DNAL1: variants seen among roughly 807,000 people sequenced by gnomAD.
DNAL1 encodes chromosome 14 open reading frame 168.
A neutral mutation model predicts 29.4 loss-of-function variants in DNAL1; 17 were observed. The observed-to-expected ratio is 0.58, with a 90% confidence interval of 0.40 to 0.87. The LOEUF is 0.87. Ranked by LOEUF, DNAL1 falls within the 40% of genes least tolerant of loss-of-function variation. DNAL1 has a pLI of 0.00. For missense variants in DNAL1, 188 were observed against 214.1 expected (o/e 0.88, Z 0.76); for synonymous variants, 78 against 76.3 (o/e 1.02, Z -0.12).
At chr14:73,683,230 AAGTAT>A (rs933617156) in intron 5 of DNAL1, among the ~76,000 whole-genome samples, 14 of 152,162 alleles carry the variant, frequency 9.2e-5, no homozygotes, top group Non-Finnish European at 1.6e-4. Flanking sequence ...TAACTATAAA[AAGTAT>A]AGTAAACACA....
chr14:73,673,882 A>AG (rs997086035), intron 5 of DNAL1, among the ~76,000 whole-genome samples: 6 of 22,586 alleles, frequency 2.7e-4, no homozygotes, highest in African/African-American at 1.1e-3. Flanking sequence ...TGGGTGACAG[A>AG]GGGGAAAAAA....
At chr14:73,677,884 TTGTGTGTGTGTGTGTGTG>T (rs566825653) in intron 5 of DNAL1, among the ~76,000 whole-genome samples, 2 of 96,130 alleles carry the variant, frequency 2.1e-5, no homozygotes, top group Non-Finnish European at 4.4e-5. Flanking sequence ...ATATATATAT[TTGTGTGTGTGTGTGTGTG>T]TGTGTGTGTG....
At chr14:73,650,245 T>C (rs968878551) in intron 1 of DNAL1, among the ~76,000 whole-genome samples, 9 of 152,336 alleles carry the variant, frequency 5.9e-5, no homozygotes, top group East Asian at 5.8e-4. Context: ...GACCTCAGCC[T>C]CCCAAAGTAC....
intron 5 of DNAL1, among the ~76,000 whole-genome samples, chr14:73,683,160 G>C (rs8010150): frequency 6.6e-6 from 1 of 152,104 alleles, no homozygotes; most frequent in African/African-American, 2.4e-5. Flanking sequence ...ACAGGCGTGA[G>C]CCACCGCGCC....
At chr14:73,659,923 T>C (rs988320132) in intron 3 of DNAL1, among the ~76,000 whole-genome samples, 2 of 152,124 alleles carry the variant, frequency 1.3e-5, no homozygotes, top group African/African-American at 4.8e-5. Flanking sequence ...CAAATTCTAA[T>C]TGGGATCAAA....
At chr14:73,682,275 A>G (rs1041859184) in intron 5 of DNAL1, among the ~76,000 whole-genome samples, 1 of 140,664 alleles carries the variant, frequency 7.1e-6, no homozygotes, top group Non-Finnish European at 1.5e-5. Context: ...GGTTCAAGTG[A>G]TTCTCCTGCC....
intron 4 of DNAL1, among the ~76,000 whole-genome samples, chr14:73,671,082 T>C (rs1341183738): frequency 6.6e-6 from 1 of 152,178 alleles, no homozygotes; most frequent in Non-Finnish European, 1.5e-5. Flanking sequence ...ATTTAAAAAC[T>C]TGAAAGAAAA....
intron 5 of DNAL1, among the ~76,000 whole-genome samples, chr14:73,686,941 A>T (rs1171400452): frequency 1.3e-5 from 2 of 152,234 alleles, no homozygotes; most frequent in South Asian, 2.1e-4. Flanking sequence ...CCATTAATGA[A>T]CGAGATAAGA....
At chr14:73,675,669 TGTAA>T (rs562129471) in intron 5 of DNAL1, among the ~76,000 whole-genome samples, 464 of 152,258 alleles carry the variant, frequency 3.0e-3, no homozygotes, top group African/African-American at 0.011. Flanking sequence ...GTAGACACTC[TGTAA>T]GTGTTTATTC....
In DNAL1 at chr14:73,703,502, A is replaced by G. The variant is rs1001618735; in HGVS notation, c.*7560A>G. 1 of 152,144 alleles carries G rather than the reference A, an allele frequency of 6.6e-6. No individual in the cohort carries two copies. The highest frequency in any genetic ancestry group is 2.4e-5 in the African/African-American group (1 of 41,412). The allele number at this position is 152,144 out of a possible 1,614,324, so 9.4% of individuals were successfully genotyped here. A position where few individuals can be genotyped will look rare whatever the true frequency, so the allele number is the denominator to read the frequency against. ...GTTCCTGCCCCACCCTAACTGATCAATGTACTTTGTAATCTCCCCCACCCT... is the reference window on the plus strand; with the variant it reads ...GTTCCTGCCCCACCCTAACTGATCAGTGTACTTTGTAATCTCCCCCACCCT... On this transcript the variant is annotated 3_prime_UTR_variant, in exon 8 of 8. Coordinates refer to ENST00000553645, the MANE Select transcript of DNAL1 (RefSeq NM_031427.4).
chr14:73,670,210 A>G (rs539079818), intron 4 of DNAL1, among the ~76,000 whole-genome samples: 7 of 152,352 alleles, frequency 4.6e-5, no homozygotes, highest in Non-Finnish European at 7.3e-5. Context: ...AGTTCTTACC[A>G]TTCAATTATG....
At chr14:73,666,251 A>G (rs1353754346) in intron 4 of DNAL1, among the ~76,000 whole-genome samples, 1 of 152,214 alleles carries the variant, frequency 6.6e-6, no homozygotes, top group Non-Finnish European at 1.5e-5. Flanking sequence ...GTGATTTATC[A>G]GGCAGAACAA....
intron 4 of DNAL1, among the ~76,000 whole-genome samples, chr14:73,669,179 AC>A (rs1449336528): frequency 2.6e-5 from 4 of 151,842 alleles, no homozygotes; most frequent in African/African-American, 9.7e-5. Context: ...TCACTCTGTT[AC>A]CCAGGCTAGA....
chr14:73,693,636 G>A (rs7148916), intron 7 of DNAL1, among the ~76,000 whole-genome samples: 4,162 of 151,920 alleles, frequency 0.027, 159 homozygotes, highest in African/African-American at 0.093. Flanking sequence ...GCTTGAGTCT[G>A]GGAGTTTGAG....
chr14:73,655,425 A>G (rs1595202450), intron 2 of DNAL1, among the ~76,000 whole-genome samples: 1 of 150,180 alleles, frequency 6.7e-6, no homozygotes, highest in Admixed American at 6.6e-5. Flanking sequence ...GCTCACTGCA[A>G]CCTCCGCCTC....
rs1892460869 is a variant in DNAL1, at chr14:73,702,449, T to C, written c.*6507T>C. The C allele has an allele frequency of 6.6e-6, 1 of 152,108 alleles. No homozygotes were observed. Among genetic ancestry groups the C allele is most frequent in the African/African-American group, 2.4e-5 (1 of 41,412 alleles). 9.4% of individuals were successfully genotyped at this position (152,108 alleles called of 1,614,324 possible). On this transcript the variant is annotated 3_prime_UTR_variant, in exon 8 of 8. Transcript: ENST00000553645. ...CACCGCGCACGGCCAGAGGCATTCA[T>C]TTCTTTAGCTAAGTTTTTTTTTCTT...
At chr14:73,646,419 AG>A (rs1284684231) in intron 1 of DNAL1, among the ~76,000 whole-genome samples, 1 of 150,754 alleles carries the variant, frequency 6.6e-6, no homozygotes, top group Non-Finnish European at 1.5e-5. Context: ...TGAATACTGT[AG>A]GCAGTTGAAA....
chr14:73,693,650 G>A (rs1383706807), intron 7 of DNAL1, among the ~76,000 whole-genome samples: 2 of 151,952 alleles, frequency 1.3e-5, no homozygotes, highest in Non-Finnish European at 2.9e-5. Flanking sequence ...GTTTGAGGCT[G>A]TAATGAGCTG....
intron 6 of DNAL1, 130 bp downstream of exon 6, chr14:73,687,515 G>C (rs1892048253): frequency 9.2e-7 from 1 of 1,092,784 alleles, no homozygotes; most frequent in East Asian, 2.9e-5. Flanking sequence ...TTATGGCTAA[G>C]CTCAGAGAGA....
Sources: allele counts gnomAD v4.1 joint callset (sites outside exome capture counted in the v4.1 genomes callset), GRCh38; gene constraint gnomAD v4.1.1; transcripts MANE v1.5; gene names NCBI Gene and HGNC (gene_info 2026-07-23, HGNC 2026-07-21).